PRLR: variants seen among roughly 807,000 people sequenced by gnomAD.
PRLR encodes hPRL receptor.
In PRLR, 13 loss-of-function variants were observed where a neutral mutation model predicts 40.2. That is an observed-to-expected ratio of 0.32 (90% CI 0.21 to 0.51). The LOEUF (loss-of-function observed/expected upper bound fraction) is 0.51. Among genes scored for constraint, PRLR ranks in the 20% least tolerant of loss-of-function variants. The pLI is 0.97. For missense variants in PRLR, 656 were observed against 747.3 expected (o/e 0.88, Z 1.42); for synonymous variants, 269 against 278.7 (o/e 0.97, Z 0.35).
intron 1 of PRLR, among the ~76,000 whole-genome samples, chr5:35,124,696 C>T (rs189002753): frequency 7.9e-5 from 12 of 152,058 alleles, no homozygotes; most frequent in African/African-American, 2.4e-4. Context: ...TCTGACCTCT[C>T]GTTCTTGACA....
chr5:35,118,251 G>A (rs974213436), intron 1 of PRLR, 129 bp from the exon 2 acceptor site: 2 of 266,212 alleles, frequency 7.5e-6, no homozygotes, highest in Admixed American at 6.5e-5. Context: ...CAGCTCTAGT[G>A]TTCTGGAATT....
chr5:35,089,638 G>C lies in PRLR; in HGVS notation c.-18C>G. ...TCCTTCATGTTGGCTGCCTTCTCTT[G>C]CTGCAGGAAATGTATCAGAAGTTCA... On this transcript the variant is annotated 5_prime_UTR_variant, in exon 3 of 10. Transcript: ENST00000618457. The C allele has an allele frequency of 6.2e-7, 1 of 1,613,700 alleles. No homozygotes were observed. Among genetic ancestry groups the C allele is most frequent in the South Asian group, 1.1e-5 (1 of 91,036 alleles).
chr5:35,215,866 TAAAAAAA>T (rs1212093418), intron 1 of PRLR, among the ~76,000 whole-genome samples: 1 of 88,922 alleles, frequency 1.1e-5, no homozygotes, highest in Non-Finnish European at 2.1e-5. Context: ...CTGTCTCTAC[TAAAAAAA>T]AAAAAAAAAA....
chr5:35,082,431 G>A (rs562460161), intron 5 of PRLR, among the ~76,000 whole-genome samples: 1 of 152,278 alleles, frequency 6.6e-6, no homozygotes, highest in Non-Finnish European at 1.5e-5. Flanking sequence ...TTTTGGACTG[G>A]ATATTTCTTT....
In PRLR at chr5:35,091,541, G is replaced by C. The variant is rs530759879; in HGVS notation, c.-43-1878C>G. On this transcript the variant is annotated intron_variant, in intron 2 of 9. Coordinates refer to ENST00000618457, the MANE Select transcript of PRLR (RefSeq NM_000949.7). The stretch of plus-strand genomic sequence containing the variant: ...TGGGGGAAAGATACTTGGGAAACCT[G>C]AGAGCCACTGAGAGATCATCCTGAC... 2.4e-4 allele frequency among the ~76,000 whole-genome samples: 37 copies of C among 152,344 alleles called. 1 individual carries two copies. In the Middle Eastern group the frequency reaches 0.01, roughly 42 times the overall value.
chr5:35,167,694 T>C (rs1774882478), intron 1 of PRLR, among the ~76,000 whole-genome samples: 1 of 152,100 alleles, frequency 6.6e-6, no homozygotes, highest in Non-Finnish European at 1.5e-5. Flanking sequence ...ACAGAAATGA[T>C]GCTAACTAAA....
At chr5:35,121,620 T>C (rs1421338514) in intron 1 of PRLR, among the ~76,000 whole-genome samples, 1 of 152,248 alleles carries the variant, frequency 6.6e-6, no homozygotes, top group Admixed American at 6.5e-5. Flanking sequence ...CAACATTTAC[T>C]AAGTTCTTAA....
chr5:35,068,116 A>C (rs765887535), intron 9 of PRLR, 100 bp downstream of exon 9: 1 of 1,158,458 alleles, frequency 8.6e-7, no homozygotes, highest in Non-Finnish European at 1.3e-6. Flanking sequence ...AGGCTGGCTG[A>C]AACTACCAGG....
At chr5:35,080,207 A>G (rs570744854) in intron 5 of PRLR, among the ~76,000 whole-genome samples, 2 of 152,374 alleles carry the variant, frequency 1.3e-5, no homozygotes, top group African/African-American at 4.8e-5. Flanking sequence ...ATTAAACTAA[A>G]GAGCTTCTGC....
At chr5:35,202,004 G>A (rs747927834) in intron 1 of PRLR, among the ~76,000 whole-genome samples, 4 of 152,170 alleles carry the variant, frequency 2.6e-5, no homozygotes, top group Admixed American at 1.3e-4. Context: ...TAGATAAAGA[G>A]AGGCTAAATT....
chr5:35,151,453 A>T (rs1774338767), intron 1 of PRLR, among the ~76,000 whole-genome samples: 1 of 152,184 alleles, frequency 6.6e-6, no homozygotes. Context: ...GAGCAAGATG[A>T]CCAAGAATAG....
intron 1 of PRLR, among the ~76,000 whole-genome samples, chr5:35,212,881 T>C (rs542231819): frequency 3.3e-4 from 50 of 152,306 alleles, no homozygotes; most frequent in African/African-American, 1.2e-3. Context: ...AAGTATGAGA[T>C]TCATTAAAGC....
chr5:35,086,129 A>G (rs930518835), intron 4 of PRLR, 79 bp downstream of exon 4: 7 of 1,546,402 alleles, frequency 4.5e-6, no homozygotes, highest in Non-Finnish European at 6.2e-6. Context: ...ATGTGCTGTC[A>G]CTCAGAACCA....
exon 9 of PRLR, chr5:35,049,020 G>A: frequency 1.9e-6 from 1 of 521,310 alleles, no homozygotes; most frequent in South Asian, 1.7e-5. Flanking sequence ...ATGCCCATAG[G>A]AGGTGAAGGC....
intron 1 of PRLR, among the ~76,000 whole-genome samples, chr5:35,120,807 A>G (rs1773262616): frequency 6.6e-6 from 1 of 152,196 alleles, no homozygotes; most frequent in African/African-American, 2.4e-5. Flanking sequence ...TTTATCTCCA[A>G]ATTCTGTCAC....
At chr5:35,112,050 T>C (rs562404174) in intron 2 of PRLR, among the ~76,000 whole-genome samples, 62 of 152,348 alleles carry the variant, frequency 4.1e-4, no homozygotes, top group African/African-American at 1.4e-3. Context: ...AAATTACTTG[T>C]ATGTTTGTGG....
intron 1 of PRLR, among the ~76,000 whole-genome samples, chr5:35,205,235 C>A (rs1249143098): frequency 6.6e-6 from 1 of 152,042 alleles, no homozygotes; most frequent in Non-Finnish European, 1.5e-5. Context: ...AAGTTCCAAT[C>A]TTCAACTATG....
chr5:35,212,582 T>C (rs924599), intron 1 of PRLR, among the ~76,000 whole-genome samples: 136,350 of 152,194 alleles, frequency 0.9, 61,798 homozygotes, highest in African/African-American at 0.94. Context: ...TGAAGTCCCC[T>C]GGTATGAAAT....
chr5:35,065,014 T>G lies in PRLR; in HGVS notation c.*75A>C. 3.4e-6 allele frequency: 5 copies of G among 1,482,952 alleles called. No individual in the cohort carries two copies. The highest frequency in any genetic ancestry group is 1.4e-5 in the African/African-American group (1 of 71,586). 91.9% of individuals were successfully genotyped at this position (1,482,952 alleles called of 1,614,324 possible). ...AGTAGTGTCAGTCTGACTACATTCT[T>G]GAGCATTTCACGTACTCTGTAGTGT... On this transcript the variant is annotated 3_prime_UTR_variant, in exon 10 of 10. Transcript: ENST00000618457.
Sources: allele counts gnomAD v4.1 joint callset (sites outside exome capture counted in the v4.1 genomes callset), GRCh38; gene constraint gnomAD v4.1.1; transcripts MANE v1.5; gene names NCBI Gene and HGNC (gene_info 2026-07-23, HGNC 2026-07-21).